The following CRYM variants were observed in gnomAD, a reference collection of about 807,000 sequenced individuals.
The protein encoded by CRYM is ketimine reductase mu-crystallin.
A neutral mutation model predicts 32.9 loss-of-function variants in CRYM; 18 were observed. The ratio of observed to expected loss-of-function variants is 0.55; its 90% confidence interval spans 0.38 to 0.81. The LOEUF is 0.81. Ranked by LOEUF, CRYM falls within the 30% of genes least tolerant of loss-of-function variation. The pLI, the probability that CRYM is intolerant of heterozygous loss-of-function variation, is 0.00. For missense variants in CRYM, 337 were observed against 393.5 expected, an observed-to-expected ratio of 0.86 and a Z score of 1.21; for synonymous variants, 153 against 152.4, an observed-to-expected ratio of 1.00 and a Z score of -0.03.
intron 5 of CRYM, among the ~76,000 whole-genome samples, chr16:21,265,069 C>T (rs890568069): frequency 1.3e-5 from 2 of 152,084 alleles, no homozygotes; most frequent in Non-Finnish European, 2.9e-5. Context: ...AAAAAAAAAT[C>T]AAGTCCATCT....
At position 21,278,207 on chromosome 16, in the gene CRYM, T is replaced by C; in HGVS notation, c.45A>G (p.Glu15=). Reference sequence around the variant, plus strand: ...TGAGGAGGCTGGAGCTGCGGAGGTGTTCCTCCACCTCGGCCGCGCTCAGGA... The same window carrying C: ...TGAGGAGGCTGGAGCTGCGGAGGTGCTCCTCCACCTCGGCCGCGCTCAGGA... ...PAFLSAAEVE[E]HLRSSSLLIP... The change falls in exon 1 of 8, where the codon GAA becomes GAG. Residue 15 remains glutamate, a synonymous_variant. Coordinates refer to ENST00000572914, the MANE Select transcript of CRYM (RefSeq NM_001376256.1). 1 of 1,561,730 alleles carries C rather than the reference T, an allele frequency of 6.4e-7. No homozygotes were observed.
At chr16:21,301,396 G>GCAAGGGACGAGATGGGTGTGCA (rs1200787003) in intron 1 of CRYM, 23 of 146,970 alleles carry the variant, frequency 1.6e-4, no homozygotes, top group African/African-American at 5.6e-4. Context: ...GTGGGTGAGC[G>GCAAGGGACGAGATGGGTGTGCA]CAAGGGACGA....
At chr16:21,264,476 G>A (rs2093360294) in intron 5 of CRYM, among the ~76,000 whole-genome samples, 1 of 152,154 alleles carries the variant, frequency 6.6e-6, no homozygotes, top group African/African-American at 2.4e-5. Flanking sequence ...AGTGAGGGTC[G>A]CAGACAGGCT....
intron 7 of CRYM, among the ~76,000 whole-genome samples, chr16:21,259,277 T>G (rs2093350060): frequency 6.6e-6 from 1 of 151,608 alleles, no homozygotes; most frequent in Non-Finnish European, 1.5e-5. Context: ...TTTTTTTTTT[T>G]TTGTATTTTT....
At chr16:21,267,833 G>T in intron 4 of CRYM, 96 bp from the exon 5 acceptor site, 1 of 1,173,816 alleles carries the variant, frequency 8.5e-7, no homozygotes, top group Non-Finnish European at 1.3e-6. Flanking sequence ...GAACTACTCT[G>T]GCATAGGGGT....
chr16:21,274,267 C>T (rs1376743901), intron 3 of CRYM, among the ~76,000 whole-genome samples: 3 of 152,186 alleles, frequency 2.0e-5, no homozygotes, highest in African/African-American at 7.2e-5. Flanking sequence ...AACATCATCA[C>T]CCCCATTGCT....
chr16:21,263,012 T>G (rs1042381964), intron 5 of CRYM, among the ~76,000 whole-genome samples: 5 of 152,194 alleles, frequency 3.3e-5, no homozygotes, highest in Non-Finnish European at 7.3e-5. Context: ...TCATTCCCAT[T>G]CCTCACCCTC....
intron 1 of CRYM, among the ~76,000 whole-genome samples, chr16:21,295,129 A>T (rs1471790801): frequency 6.6e-6 from 1 of 152,194 alleles, no homozygotes; most frequent in Non-Finnish European, 1.5e-5. Context: ...CGATAAACAT[A>T]CATGTGCATG....
At chr16:21,268,223 G>A (rs2093368080) in intron 4 of CRYM, among the ~76,000 whole-genome samples, 2 of 152,218 alleles carry the variant, frequency 1.3e-5, no homozygotes, top group Admixed American at 1.3e-4. Context: ...CCCCGTAAAG[G>A]AGTTGTAATG....
chr16:21,258,877 G>T (rs750046675), intron 7 of CRYM, 32 bp from the exon 8 acceptor site: 2 of 1,606,820 alleles, frequency 1.2e-6, no homozygotes, highest in Admixed American at 1.7e-5. Flanking sequence ...TTCGCCTTTG[G>T]TCAAAACAAC....
At chr16:21,300,525 A>C (rs1008857400) in intron 1 of CRYM, 27 of 151,808 alleles carry the variant, frequency 1.8e-4, no homozygotes, top group Non-Finnish European at 3.5e-4. Context: ...AAAAAAAAAA[A>C]AAACAGAAAA....
chr16:21,262,767 T>C (rs2093356945), intron 5 of CRYM, among the ~76,000 whole-genome samples: 1 of 152,242 alleles, frequency 6.6e-6, no homozygotes, highest in Non-Finnish European at 1.5e-5. Context: ...GTACTATTTA[T>C]GGTTCTCGCA....
At chr16:21,262,226 C>T (rs1006952571) in intron 5 of CRYM, 68 bp from the exon 6 acceptor site, 1 of 1,605,918 alleles carries the variant, frequency 6.2e-7, no homozygotes, top group Non-Finnish European at 8.5e-7. Flanking sequence ...GCCCAAAGCA[C>T]AGGAGAGAGG....
chr16:21,288,959 A>G (rs111569231), intron 1 of CRYM, among the ~76,000 whole-genome samples: 246 of 152,190 alleles, frequency 1.6e-3, no homozygotes, highest in African/African-American at 5.5e-3. Flanking sequence ...AAGATGCTTC[A>G]TATTATTTCA....
chr16:21,290,936 G>A (rs1960635969), intron 1 of CRYM, among the ~76,000 whole-genome samples: 1 of 152,184 alleles, frequency 6.6e-6, no homozygotes, highest in Non-Finnish European at 1.5e-5. Flanking sequence ...TGAGATGACA[G>A]GAAGACAGAT....
upstream of CRYM, among the ~76,000 whole-genome samples, chr16:21,281,668 C>G (rs1223355653): frequency 6.6e-6 from 1 of 152,208 alleles, no homozygotes; most frequent in African/African-American, 2.4e-5. Flanking sequence ...GATAAGACTA[C>G]CGACTATAGG....
At chr16:21,295,247 G>C (rs1249900077) in intron 1 of CRYM, among the ~76,000 whole-genome samples, 1 of 152,198 alleles carries the variant, frequency 6.6e-6, no homozygotes, top group Non-Finnish European at 1.5e-5. Flanking sequence ...TCACCACACT[G>C]TCTTCCACAG....
chr16:21,267,667 AC>A lies in CRYM; in HGVS notation c.559del (p.Val187SerfsTer14), dbSNP rs1396638894. The A allele has an allele frequency of 6.2e-7, 1 of 1,614,022 alleles. No individual in the cohort carries two copies. Among genetic ancestry groups the A allele is most frequent in the African/African-American group, 1.3e-5 (1 of 74,900 alleles). On this transcript the variant is annotated frameshift_variant, in exon 5 of 8. Coordinates refer to ENST00000572914, the MANE Select transcript of CRYM (RefSeq NM_001376256.1). LOFTEE classifies it high-confidence loss of function. ...FADTVQGEVR[V>X]CSSVQEAVAG... The stretch of plus-strand genomic sequence containing the variant: ...CACAGCCTCCTGGACCGAAGAACAG[AC>A]CCGTACCTCTCCTTGCACTGTGTCT...
intron 4 of CRYM, 111 bp from the exon 5 acceptor site, chr16:21,267,848 G>T: frequency 9.7e-7 from 1 of 1,028,392 alleles, no homozygotes; most frequent in South Asian, 1.3e-5. Context: ...AGGGGTCAGT[G>T]GTTATCTAAA....
Sources: allele counts gnomAD v4.1 joint callset (sites outside exome capture counted in the v4.1 genomes callset), GRCh38; gene constraint gnomAD v4.1.1; transcripts MANE v1.5; gene names NCBI Gene and HGNC (gene_info 2026-07-23, HGNC 2026-07-21).